The following CYP46A1 variants were observed in gnomAD, a reference collection of about 807,000 sequenced individuals.
CYP46A1 encodes cytochrome P450 family 46 subfamily A member 1.
CYP46A1 carries 20 observed loss-of-function variants against 63.3 expected under a neutral mutation model. The observed-to-expected ratio is 0.32, with a 90% CI of 0.22 to 0.46. The LOEUF is 0.46. Ranked by LOEUF, CYP46A1 falls within the 20% of genes least tolerant of loss-of-function variation. The probability of loss-of-function intolerance (pLI) is 1.00; values close to 1 mark genes in which losing one functional copy is unlikely to be tolerated. For synonymous variants in CYP46A1, 268 were observed against 273.6 expected (o/e 0.98, Z 0.20); for missense variants, 445 against 670.8 (o/e 0.66, Z 3.72).
intron 3 of CYP46A1, among the ~76,000 whole-genome samples, chr14:99,692,341 G>T (rs190910411): frequency 2.0e-5 from 3 of 152,186 alleles, no homozygotes; most frequent in African/African-American, 7.2e-5. Flanking sequence ...ACTCTTATTA[G>T]TCCCTTGGCC....
In CYP46A1 at chr14:99,726,685, G is replaced by A. The variant is rs1372578139; in HGVS notation, c.1461G>A (p.Arg487=). The change falls in exon 15 of 15, where the codon CGG becomes CGA. Residue 487 remains arginine, a synonymous_variant. Coordinates refer to ENST00000261835, the MANE Select transcript of CYP46A1 (RefSeq NM_006668.2). ...TGGACCCCGTGCTGTGCACCCTGCG[G>A]CCCCGCGGCTGGCAGCCCGCACCCC... is the stretch of plus-strand genomic sequence containing the variant. ...KPLDPVLCTL[R]PRGWQPAPPP... 1 of 1,548,870 alleles carries A rather than the reference G, an allele frequency of 6.5e-7. No homozygotes were observed. The highest frequency in any genetic ancestry group is 2.0e-5 in the Admixed American group (1 of 51,146).
At chr14:99,701,881 C>T (rs2140121193) in intron 5 of CYP46A1, among the ~76,000 whole-genome samples, 1 of 152,206 alleles carries the variant, frequency 6.6e-6, no homozygotes, top group East Asian at 1.9e-4. Flanking sequence ...ACCAGCCTAG[C>T]CAACATGGAG....
At chr14:99,707,113 A>G (rs2056684036) in intron 6 of CYP46A1, among the ~76,000 whole-genome samples, 1 of 152,156 alleles carries the variant, frequency 6.6e-6, no homozygotes. Context: ...CCTATAGGGT[A>G]TGACTTGGCT....
chr14:99,689,691 C>T (rs945324518), intron 1 of CYP46A1, among the ~76,000 whole-genome samples: 7 of 152,200 alleles, frequency 4.6e-5, no homozygotes, highest in East Asian at 1.9e-4. Flanking sequence ...TCCAGTATTC[C>T]GCCTCACAGA....
At chr14:99,709,510 A>G (rs1053309145) in intron 7 of CYP46A1, 2 of 152,252 alleles carry the variant, frequency 1.3e-5, no homozygotes, top group East Asian at 3.8e-4. Flanking sequence ...GACCAAAAAA[A>G]GAAAAGATTG....
intron 2 of CYP46A1, 71 bp from the exon 3 acceptor site, chr14:99,691,709 A>G: frequency 7.0e-7 from 1 of 1,428,652 alleles, no homozygotes; most frequent in East Asian, 2.3e-5. Flanking sequence ...TCGGTTTCTC[A>G]GCTGGGCGGG....
intron 1 of CYP46A1, chr14:99,684,827 G>T (rs1303311330): frequency 3.9e-6 from 2 of 513,196 alleles, no homozygotes; most frequent in African/African-American, 1.9e-5. Flanking sequence ...AGACTGAGGC[G>T]CTCAGAGGCG....
chr14:99,726,680 C>T lies in CYP46A1; in HGVS notation c.1456C>T (p.Leu486=), dbSNP rs935090317. Residue 486 remains leucine (L), a synonymous_variant, in exon 15 of 15, where the codon CTG becomes TTG. Transcript: ENST00000261835. ...LKPLDPVLCT[L]RPRGWQPAPP... is the part of the protein sequence containing the mutation. ...GCCACTGGACCCCGTGCTGTGCACC[C>T]TGCGGCCCCGCGGCTGGCAGCCCGC... 1.9e-6 allele frequency: 3 copies of T among 1,551,248 alleles called. No individual in the cohort carries two copies. The highest frequency in any genetic ancestry group is 1.7e-6 in the Non-Finnish European group (2 of 1,147,712).
intron 1 of CYP46A1, among the ~76,000 whole-genome samples, chr14:99,690,016 C>T (rs2056530382): frequency 6.6e-6 from 1 of 152,196 alleles, no homozygotes; most frequent in African/African-American, 2.4e-5. Flanking sequence ...AAGTACTCTG[C>T]CCGAGCCACA....
At chr14:99,690,826 C>T (rs1469162235) in intron 1 of CYP46A1, among the ~76,000 whole-genome samples, 2 of 152,138 alleles carry the variant, frequency 1.3e-5, no homozygotes, top group Non-Finnish European at 2.9e-5. Context: ...TTTCTATCTG[C>T]CAGCCCCCAA....
intron 5 of CYP46A1, among the ~76,000 whole-genome samples, chr14:99,704,376 T>C (rs1459101474): frequency 6.6e-6 from 1 of 152,246 alleles, no homozygotes; most frequent in Non-Finnish European, 1.5e-5. Context: ...AAAGTATTAT[T>C]GAGCCTTGGT....
At chr14:99,724,042 C>A (rs1377927325) in intron 12 of CYP46A1, among the ~76,000 whole-genome samples, 1 of 152,182 alleles carries the variant, frequency 6.6e-6, no homozygotes, top group Non-Finnish European at 1.5e-5. Flanking sequence ...CAGACAGCCA[C>A]CTTCTCCCTG....
Position 99,684,356 on chromosome 14 carries a change from C to A in CYP46A1, c.-62C>A. ...CGGCGCTGACAGCTGAGTCGGCTCG[C>A]GGCCTCCCGGCCCCCTCGGCGCCCG... On this transcript the variant is annotated 5_prime_UTR_variant, in exon 1 of 15. Coordinates refer to ENST00000261835, the MANE Select transcript of CYP46A1 (RefSeq NM_006668.2). 2 of 1,058,034 alleles carry A rather than the reference C, an allele frequency of 1.9e-6. No individual in the cohort carries two copies. Among genetic ancestry groups the A allele is most frequent in the Non-Finnish European group, 1.2e-6 (1 of 831,516 alleles). The allele number at this position is 1,058,034 out of a possible 1,614,324, so 65.5% of individuals were successfully genotyped here. A position where few individuals can be genotyped will look rare whatever the true frequency, so the allele number is the denominator to read the frequency against.
intron 3 of CYP46A1, chr14:99,695,622 A>ATTATTATTC (rs1410365085): frequency 1.3e-5 from 2 of 149,244 alleles, no homozygotes; most frequent in Non-Finnish European, 2.9e-5. Flanking sequence ...TATTATTATT[A>ATTATTATTC]TTATTATTAT....
intron 3 of CYP46A1, among the ~76,000 whole-genome samples, chr14:99,692,145 C>T (rs1251469238): frequency 6.6e-6 from 1 of 152,202 alleles, no homozygotes; most frequent in Non-Finnish European, 1.5e-5. Flanking sequence ...GTTTGCCTCT[C>T]TTTGCCTCAG....
chr14:99,685,751 A>T (rs1187718250), intron 1 of CYP46A1, among the ~76,000 whole-genome samples: 1 of 151,920 alleles, frequency 6.6e-6, no homozygotes, highest in Admixed American at 6.6e-5. Context: ...GGTTCAGGAA[A>T]GATCTCTGTG....
chr14:99,701,844 C>T lies in CYP46A1; in HGVS notation c.443+1743C>T, dbSNP rs113274473. Among the ~76,000 whole-genome samples, 1,246 of 152,192 alleles carry T rather than the reference C, an allele frequency of 8.2e-3. 11 individuals carry two copies. The highest frequency in any genetic ancestry group is 0.023 in the African/African-American group (973 of 41,518). ...CAGCACTTTGGGGGGCCAAGGCAGGCGGATCACCTGAGATCAGGAGTTCAT... is the reference window on the plus strand; with the variant it reads ...CAGCACTTTGGGGGGCCAAGGCAGGTGGATCACCTGAGATCAGGAGTTCAT... On this transcript the variant is annotated intron_variant, in intron 5 of 14. Coordinates refer to ENST00000261835, the MANE Select transcript of CYP46A1 (RefSeq NM_006668.2).
At chr14:99,707,706 C>T (rs1456677525) in intron 7 of CYP46A1, 28 bp downstream of exon 7, 1 of 1,600,630 alleles carries the variant, frequency 6.2e-7, no homozygotes, top group Admixed American at 1.7e-5. Context: ...CCTCTGGTGA[C>T]CAGCCACCAG....
intron 1 of CYP46A1, among the ~76,000 whole-genome samples, chr14:99,687,246 C>T (rs2056502313): frequency 6.6e-6 from 1 of 152,250 alleles, no homozygotes; most frequent in South Asian, 2.1e-4. Context: ...TTCTCTGTCA[C>T]TGTTCTAACT....
Sources: allele counts gnomAD v4.1 joint callset (sites outside exome capture counted in the v4.1 genomes callset), GRCh38; gene constraint gnomAD v4.1.1; transcripts MANE v1.5; gene names NCBI Gene and HGNC (gene_info 2026-07-23, HGNC 2026-07-21).